Variants in MED14 observed in about 807,000 individuals in gnomAD.
MED14 encodes the protein mediator of RNA polymerase II transcription subunit 14.
A neutral mutation model predicts 109.0 loss-of-function variants in MED14; 8 were observed. That is an observed-to-expected ratio of 0.07 (90% CI 0.04 to 0.13). The LOEUF (loss-of-function observed/expected upper bound fraction) is 0.13. Ranked by LOEUF, MED14 falls within the 10% of genes least tolerant of loss-of-function variation. The pLI is 1.00. For synonymous variants in MED14, 399 were observed against 408.7 expected, an observed-to-expected ratio of 0.98 and a Z score of 0.29; for missense variants, 711 against 1,142.4, an observed-to-expected ratio of 0.62 and a Z score of 5.44.
intron 3 of MED14, among the ~76,000 whole-genome samples, chrX:40,721,191 T>C (rs1274378823): frequency 9.0e-6 from 1 of 111,311 alleles, no homozygotes; most frequent in Admixed American, 9.4e-5. Flanking sequence ...AAGCAGGCTC[T>C]TGGGGTCCCC....
chrX:40,665,510 G>T, intron 24 of MED14, among the ~76,000 whole-genome samples: 1 of 111,010 alleles, frequency 9.0e-6, no homozygotes, highest in East Asian at 2.8e-4. Context: ...TCCAGCCTGG[G>T]TAACAGAGTG....
chrX:40,699,117 TG>T (rs1167496505), intron 12 of MED14, among the ~76,000 whole-genome samples: 4 of 112,402 alleles, frequency 3.6e-5, no homozygotes, highest in Non-Finnish European at 7.5e-5. Flanking sequence ...TGCTACAATA[TG>T]GATGAACCTT....
At chrX:40,663,527 C>T (rs1221460618) in intron 25 of MED14, among the ~76,000 whole-genome samples, 4 of 111,868 alleles carry the variant, frequency 3.6e-5, no homozygotes, top group Non-Finnish European at 5.6e-5. Flanking sequence ...GTTGAGCCAC[C>T]ATGTGAACAA....
In MED14 at chrX:40,651,665, C is replaced by T; in HGVS notation, c.*141G>A. 1 of 1,046,907 alleles carries T rather than the reference C, an allele frequency of 9.6e-7. No individual in the cohort carries two copies. The highest frequency in any genetic ancestry group is 1.2e-6 in the Non-Finnish European group (1 of 816,169). 86.3% of individuals were successfully genotyped at this position (1,046,907 alleles called of 1,213,427 possible). A position where few individuals can be genotyped will look rare whatever the true frequency, so the allele number is the denominator to read the frequency against. ...GATCATTTTGATGAAAGAAGTGCAC[C>T]CTGAAAATTTTTGCCAGTTTAGAAT... On this transcript the variant is annotated 3_prime_UTR_variant, in exon 31 of 31. Coordinates refer to ENST00000324817, the MANE Select transcript of MED14 (RefSeq NM_004229.4).
rs990890424 is a variant in MED14 at position 40,703,388 on chromosome X, T to C, written c.1411+56A>G. On this transcript the variant is annotated intron_variant, in intron 11 of 30. Transcript: ENST00000324817. ...CTAATGACAGAAAATGTTTATTTTG[T>C]TTTTGTTAAAAATAATTTTTCTTAC... The C allele has an allele frequency of 8.6e-6, 9 of 1,041,484 alleles. No homozygotes were observed. The African/African-American group carries it at 1.1e-4, about 13-fold the overall frequency. 85.8% of individuals were successfully genotyped at this position (1,041,484 alleles called of 1,213,427 possible).
chrX:40,735,227 G>A lies in MED14; in HGVS notation c.186C>T (p.Ala62=). 8.7e-7 allele frequency: 1 copy of A among 1,146,004 alleles called. No individual in the cohort carries two copies. Among genetic ancestry groups the A allele is most frequent in the Non-Finnish European group, 1.2e-6 (1 of 862,083 alleles). 94.4% of individuals were successfully genotyped at this position (1,146,004 alleles called of 1,213,427 possible). A position where few individuals can be genotyped will look rare whatever the true frequency, so the allele number is the denominator to read the frequency against. Residue 62 remains alanine, a synonymous_variant, in exon 1 of 31, where the codon GCC becomes GCT. Transcript: ENST00000324817. The part of the protein sequence containing the change: ...STLIEFLLHR[A]YSELMVLTDL... ...CCGTCAACACCATAAGCTCCGAGTA[G>A]GCCCGGTGCAGCAGAAATTCAATGA...
chrX:40,672,011 C>T, intron 22 of MED14, 39 bp from the exon 23 acceptor site: 1 of 855,986 alleles, frequency 1.2e-6, no homozygotes, highest in African/African-American at 2.0e-5. Flanking sequence ...AAATGGCCAA[C>T]CGCACGGAGC....
chrX:40,703,392 T>C, intron 11 of MED14, 52 bp downstream of exon 11: 1 of 1,054,185 alleles, frequency 9.5e-7, no homozygotes, highest in Non-Finnish European at 1.3e-6. Flanking sequence ...ATTTTGTTTT[T>C]GTTAAAAATA....
chrX:40,698,810 T>C lies in MED14; in HGVS notation c.1491-1627A>G, dbSNP rs181967981. Among the ~76,000 whole-genome samples, 5 of 112,434 alleles carry C rather than the reference T, an allele frequency of 4.4e-5. No individual in the cohort carries two copies. The Admixed American group carries it at 4.7e-4, about 11-fold the overall frequency. Reference sequence around the variant, plus strand: ...GAAATGGAAATTCTCGCAACATTACTGATGAGGTTGTAAAATGGCACAGTC... The same window carrying C: ...GAAATGGAAATTCTCGCAACATTACCGATGAGGTTGTAAAATGGCACAGTC... On this transcript the variant is annotated intron_variant, in intron 12 of 30. Coordinates refer to ENST00000324817, the MANE Select transcript of MED14 (RefSeq NM_004229.4).
At chrX:40,701,904 T>C (rs995971879) in intron 11 of MED14, among the ~76,000 whole-genome samples, 6 of 111,370 alleles carry the variant, frequency 5.4e-5, no homozygotes, top group Non-Finnish European at 1.1e-4. Flanking sequence ...CTCAGTGTGA[T>C]GGTATTTGGA....
chrX:40,734,512 A>G (rs988126145), intron 1 of MED14, among the ~76,000 whole-genome samples: 1 of 112,685 alleles, frequency 8.9e-6, no homozygotes, highest in Non-Finnish European at 1.9e-5. Flanking sequence ...TAAGATGTAC[A>G]ACAGAGTCCC....
chrX:40,676,822 C>T (rs913279347), intron 21 of MED14, among the ~76,000 whole-genome samples: 9 of 111,916 alleles, frequency 8.0e-5, no homozygotes, highest in East Asian at 2.8e-4. Flanking sequence ...CCTTCCACCA[C>T]GATTGTAAAT....
chrX:40,669,165 C>T (rs1929631001), intron 23 of MED14, among the ~76,000 whole-genome samples: 1 of 112,121 alleles, frequency 8.9e-6, no homozygotes, highest in Non-Finnish European at 1.9e-5. Context: ...GAGGATTAAA[C>T]GGGTAAAGTG....
intron 19 of MED14, among the ~76,000 whole-genome samples, chrX:40,681,195 G>C (rs1930099501): frequency 8.9e-6 from 1 of 111,788 alleles, no homozygotes; most frequent in African/African-American, 3.2e-5. Context: ...GTTTCTTTTC[G>C]TTTTTCTCTT....
intron 23 of MED14, among the ~76,000 whole-genome samples, chrX:40,668,819 A>G (rs140518593): frequency 0.015 from 1,654 of 112,149 alleles, 14 homozygotes; most frequent in Middle Eastern, 0.06. Context: ...ATTGTAATAA[A>G]AGTTATGTGA....
Position 40,711,252 on chromosome X carries a change from T to C in MED14, c.939A>G (p.Leu313=). ...LQLEVLHSQT[L]MLIRERWGDL... Reference sequence around the variant, plus strand: ...CTCCCCACCGTTCTCGGATTAACATTAGAGTTTGGGAATGTAACACTTCTA... The same window carrying C: ...CTCCCCACCGTTCTCGGATTAACATCAGAGTTTGGGAATGTAACACTTCTA... The change falls in exon 8 of 31, where the codon CTA becomes CTG. Residue 313 remains leucine, a synonymous_variant. Coordinates refer to ENST00000324817, the MANE Select transcript of MED14 (RefSeq NM_004229.4). The C allele has an allele frequency of 1.7e-6, 2 of 1,205,559 alleles. No homozygotes were observed. Among genetic ancestry groups the C allele is most frequent in the South Asian group, 1.8e-5 (1 of 56,767 alleles).
intron 23 of MED14, among the ~76,000 whole-genome samples, chrX:40,668,605 T>C (rs1262980573): frequency 9.0e-6 from 1 of 111,264 alleles, no homozygotes; most frequent in Non-Finnish European, 1.9e-5. Context: ...ACCTTTAATA[T>C]CAGCATGTTT....
chrX:40,708,932 T>A (rs1931241153), intron 10 of MED14, among the ~76,000 whole-genome samples: 1 of 112,246 alleles, frequency 8.9e-6, no homozygotes, highest in Non-Finnish European at 1.9e-5. Context: ...AAGGTTCATA[T>A]TAAAATGTTA....
Position 40,704,418 on chromosome X carries a change from C to T in MED14, c.1286-849G>A, listed in dbSNP as rs182185989. ...AGAGGAGAATGGTGATGCAGGTGCT[C>T]GGAAGGAGAGGTAACGTGGCAGGCG... On this transcript the variant is annotated intron_variant, in intron 10 of 30. Coordinates refer to ENST00000324817, the MANE Select transcript of MED14 (RefSeq NM_004229.4). 6.3e-5 allele frequency among the ~76,000 whole-genome samples: 7 copies of T among 110,952 alleles called. No individual in the cohort carries two copies. The East Asian group carries it at 1.7e-3, about 27-fold the overall frequency.
Sources: allele counts gnomAD v4.1 joint callset (sites outside exome capture counted in the v4.1 genomes callset), GRCh38; gene constraint gnomAD v4.1.1; transcripts MANE v1.5; gene names NCBI Gene and HGNC (gene_info 2026-07-23, HGNC 2026-07-21).